Variants in SLC28A3 observed in about 807,000 individuals in gnomAD.
SLC28A3 encodes the protein concentrative Na(+)-nucleoside cotransporter 3.
A neutral mutation model predicts 84.2 loss-of-function variants in SLC28A3; 68 were observed. The ratio of observed to expected loss-of-function variants is 0.81; its 90% CI spans 0.66 to 0.99. The LOEUF (loss-of-function observed/expected upper bound fraction) is 0.99. Ranked by LOEUF, SLC28A3 falls within the 50% of genes least tolerant of loss-of-function variation. The pLI, the probability that SLC28A3 is intolerant of heterozygous loss-of-function variation, is 0.00. For synonymous variants in SLC28A3, 267 were observed against 303.6 expected (o/e 0.88, Z 1.25); for missense variants, 712 against 841.5 (o/e 0.85, Z 1.90).
chr9:84,297,439 C>T, intron 7 of SLC28A3, 141 bp from the exon 8 acceptor site: 3 of 635,342 alleles, frequency 4.7e-6, no homozygotes, highest in Non-Finnish European at 8.1e-6. Context: ...TCAGCTTTGC[C>T]CCCTCCAATG....
rs1491310184 is a variant in SLC28A3, at chr9:84,328,192, CAT to C, written c.60+12380_60+12381del. On this transcript the variant is annotated intron_variant, in intron 1 of 17. Coordinates refer to ENST00000376238, the MANE Select transcript of SLC28A3 (RefSeq NM_001199633.2). ...ACACACACACACACACACACACACA[CAT>C]ATTCACACAAAATAAAAATATAAAT... Among the ~76,000 whole-genome samples the C allele has an allele frequency of 4.5e-3, 676 of 150,924 alleles. 1 individual carries two copies. Among genetic ancestry groups the C allele is most frequent in the African/African-American group, 0.012 (484 of 41,132 alleles).
chr9:84,301,177 C>T (rs1825613544), intron 5 of SLC28A3, among the ~76,000 whole-genome samples: 1 of 151,424 alleles, frequency 6.6e-6, no homozygotes, highest in African/African-American at 2.4e-5. Flanking sequence ...TGGTGAAACA[C>T]CCGTCTCTAC....
At chr9:84,297,149 C>G in intron 8 of SLC28A3, 72 bp downstream of exon 8, 1 of 1,356,948 alleles carries the variant, frequency 7.4e-7, no homozygotes, top group Non-Finnish European at 1.0e-6. Context: ...CAGTTAAGTT[C>G]TATCTGAACA....
chr9:84,308,268 G>A (rs779818153), intron 3 of SLC28A3, among the ~76,000 whole-genome samples: 5 of 151,996 alleles, frequency 3.3e-5, no homozygotes, highest in East Asian at 1.9e-4. Flanking sequence ...ATTTCTGGCC[G>A]GGCGTGGTGG....
At chr9:84,341,383 G>C (rs1827154506), upstream of SLC28A3, among the ~76,000 whole-genome samples, 1 of 152,082 alleles carries the variant, frequency 6.6e-6, no homozygotes, top group Non-Finnish European at 1.5e-5. Flanking sequence ...AGGATATAAG[G>C]TCATGCCGCC....
chr9:84,298,758 A>G (rs772683200), intron 6 of SLC28A3, among the ~76,000 whole-genome samples: 3 of 152,218 alleles, frequency 2.0e-5, no homozygotes, highest in Admixed American at 6.5e-5. Context: ...TGATCTGACA[A>G]CCTGTAAGTG....
At chr9:84,321,350 T>A (rs80265355) in intron 1 of SLC28A3, among the ~76,000 whole-genome samples, 4,471 of 152,134 alleles carry the variant, frequency 0.029, 216 homozygotes, top group African/African-American at 0.1. Context: ...GTTTTTTGTT[T>A]ATAAAAATGC....
chr9:84,314,883 C>T (rs574625666), intron 1 of SLC28A3, among the ~76,000 whole-genome samples: 4 of 152,136 alleles, frequency 2.6e-5, no homozygotes, highest in African/African-American at 9.7e-5. Context: ...TTGAGACCAT[C>T]CTGGCTAACA....
chr9:84,307,147 A>AAAAAAAAAC, intron 3 of SLC28A3, among the ~76,000 whole-genome samples: 1 of 146,528 alleles, frequency 6.8e-6, no homozygotes, highest in African/African-American at 2.5e-5. Context: ...AAAAAAAAAA[A>AAAAAAAAAC]AGGCCAGGCG....
intron 8 of SLC28A3, among the ~76,000 whole-genome samples, chr9:84,295,926 C>T (rs542485264): frequency 9.8e-5 from 15 of 152,318 alleles, no homozygotes; most frequent in Non-Finnish European, 1.8e-4. Flanking sequence ...AGCTCACTCA[C>T]GATGAGCCTT....
In SLC28A3 at chr9:84,338,100, A is replaced by G. The variant is rs571510489; in HGVS notation, c.60+2474T>C. On this transcript the variant is annotated intron_variant, in intron 1 of 17. Transcript: ENST00000376238. Reference sequence around the variant, plus strand: ...CACAGGCCTTTTGGGAACCCATATCAGCATTTCAAGCTGTGAAAGTAGTTC... The same window carrying G: ...CACAGGCCTTTTGGGAACCCATATCGGCATTTCAAGCTGTGAAAGTAGTTC... 4.6e-5 allele frequency among the ~76,000 whole-genome samples: 7 copies of G among 152,356 alleles called. No individual in the cohort carries two copies. The South Asian group carries it at 1.4e-3, about 32-fold the overall frequency.
intron 14 of SLC28A3, among the ~76,000 whole-genome samples, chr9:84,281,744 A>C (rs754843417): frequency 2.0e-4 from 30 of 152,270 alleles, no homozygotes; most frequent in Non-Finnish European, 3.7e-4. Flanking sequence ...ATGGATAAAC[A>C]ATTGTGGATA....
the SLC28A3 span, among the ~76,000 whole-genome samples, chr9:84,360,129 T>TA: frequency 2.0e-3 from 292 of 148,402 alleles, no homozygotes; most frequent in Admixed American, 3.9e-3. Flanking sequence ...CAGCAGAAAA[T>TA]AAAGTTAAAG....
chr9:84,367,543 G>A, the SLC28A3 span, among the ~76,000 whole-genome samples: 4 of 152,266 alleles, frequency 2.6e-5, no homozygotes, highest in African/African-American at 7.2e-5. Flanking sequence ...CATAGAGAAA[G>A]AACAGTGGGC....
In SLC28A3 at chr9:84,285,345, T is replaced by C; in HGVS notation, c.1647A>G (p.Ser549=). The part of the protein sequence containing the change: ...KFVNGVQQYI[S]IRSEIIATYA... Reference sequence around the variant, plus strand: ...CTGAGAAATTAAAATATTTACTCACTGATATATATTGCTGCACACCGTTTA... The same window carrying C: ...CTGAGAAATTAAAATATTTACTCACCGATATATATTGCTGCACACCGTTTA... The change falls in exon 14 of 18, where the codon TCA becomes TCG. Residue 549 remains serine, a splice_region_variant and synonymous_variant. Coordinates refer to ENST00000376238, the MANE Select transcript of SLC28A3 (RefSeq NM_001199633.2). The C allele has an allele frequency of 2.5e-6, 4 of 1,613,538 alleles. No individual in the cohort carries two copies. The highest frequency in any genetic ancestry group is 3.4e-6 in the Non-Finnish European group (4 of 1,179,534).
At chr9:84,299,353 G>A (rs11791990) in intron 6 of SLC28A3, among the ~76,000 whole-genome samples, 15,919 of 152,036 alleles carry the variant, frequency 0.1, 949 homozygotes, top group African/African-American at 0.16. Context: ...GGGAGAGAAC[G>A]TCTCACTGGT....
chr9:84,297,950 C>A lies in SLC28A3; in HGVS notation c.739G>T (p.Asp247Tyr). ...CAATCAAAAGCTATAAATCCAGGGT[C>A]AGTCCTTAGAATCAAGAGCCCAAGA... ...FLLGLLILRT[D>Y]PGFIAFDWLG... Residue 247 changes from aspartate (D) to tyrosine (Y), a missense_variant, in exon 7 of 18, where the codon GAC becomes TAC. Asp to Tyr is a radical substitution (Grantham distance 160). Transcript: ENST00000376238. 6.2e-7 allele frequency: 1 copy of A among 1,611,986 alleles called. No homozygotes were observed. The highest frequency in any genetic ancestry group is 1.1e-5 in the South Asian group (1 of 90,454).
intron 10 of SLC28A3, among the ~76,000 whole-genome samples, chr9:84,292,415 T>C (rs1825260075): frequency 6.6e-6 from 1 of 152,118 alleles, no homozygotes; most frequent in Non-Finnish European, 1.5e-5. Context: ...CTACATACCA[T>C]ACCCAGACTG....
chr9:84,308,259 T>C (rs1315547512), intron 3 of SLC28A3, among the ~76,000 whole-genome samples: 1 of 151,890 alleles, frequency 6.6e-6, no homozygotes, highest in Non-Finnish European at 1.5e-5. Flanking sequence ...TTAAAATATA[T>C]TTCTGGCCGG....
Sources: allele counts gnomAD v4.1 joint callset (sites outside exome capture counted in the v4.1 genomes callset), GRCh38; gene constraint gnomAD v4.1.1; transcripts MANE v1.5; gene names NCBI Gene and HGNC (gene_info 2026-07-23, HGNC 2026-07-21).